Variants in PPP2R2B observed in about 807,000 individuals in gnomAD.
PPP2R2B encodes the protein protein phosphatase 2 regulatory subunit Bbeta.
In PPP2R2B, 5 loss-of-function variants were observed where a neutral mutation model predicts 46.0. That is an observed-to-expected ratio of 0.11 (90% CI 0.06 to 0.23). PPP2R2B has a LOEUF of 0.23. Ranked by LOEUF, PPP2R2B falls within the 10% of genes least tolerant of loss-of-function variation. The probability of loss-of-function intolerance (pLI) is 1.00; values close to 1 mark genes in which losing one functional copy is unlikely to be tolerated. For missense variants in PPP2R2B, 367 were observed against 575.0 expected, an observed-to-expected ratio of 0.64 and a Z score of 3.70; for synonymous variants, 215 against 206.7, an observed-to-expected ratio of 1.04 and a Z score of -0.34.
intron 2 of PPP2R2B, among the ~76,000 whole-genome samples, chr5:146,794,448 G>A (rs1228853981): frequency 6.6e-6 from 1 of 152,208 alleles, no homozygotes; most frequent in Non-Finnish European, 1.5e-5. Context: ...CAATCAAAGT[G>A]TAATAGCTTT....
intron 5 of PPP2R2B, among the ~76,000 whole-genome samples, chr5:146,662,905 A>T (rs1581819983): frequency 1.3e-5 from 2 of 152,178 alleles, no homozygotes; most frequent in East Asian, 3.9e-4. Context: ...AAAAGGGAAA[A>T]GAAAATGACC....
Position 146,703,329 on chromosome 5 carries a change from GA to G in PPP2R2B, c.71-2188del, listed in dbSNP as rs1322200131. ...AATACAAACATTTCTCAGAAAGAAA[GA>G]GTAGCAGGAAATAATGAGAGGGTGG... On this transcript the variant is annotated intron_variant, in intron 2 of 9. Transcript: ENST00000394411. Among the ~76,000 whole-genome samples the G allele has an allele frequency of 3.3e-5, 5 of 152,194 alleles. No individual in the cohort carries two copies. In the East Asian group the frequency reaches 9.6e-4, roughly 29 times the overall value.
At chr5:146,601,985 A>G (rs1771833205) in intron 7 of PPP2R2B, among the ~76,000 whole-genome samples, 1 of 152,186 alleles carries the variant, frequency 6.6e-6, no homozygotes, top group African/African-American at 2.4e-5. Flanking sequence ...TTCTACCTTG[A>G]TTTTAAGTTG....
chr5:146,993,734 T>C (rs1434814264), intron 1 of PPP2R2B, among the ~76,000 whole-genome samples: 1 of 152,158 alleles, frequency 6.6e-6, no homozygotes, highest in African/African-American at 2.4e-5. Flanking sequence ...AGGGGCTCAA[T>C]AAATGACACT....
chr5:146,726,699 CA>C (rs1561860800), intron 2 of PPP2R2B, among the ~76,000 whole-genome samples: 3 of 152,204 alleles, frequency 2.0e-5, no homozygotes, highest in Admixed American at 1.3e-4. Flanking sequence ...ATCTTAACAA[CA>C]AAACCATTCT....
chr5:146,851,542 G>A (rs1295983552), intron 2 of PPP2R2B, among the ~76,000 whole-genome samples: 1 of 152,094 alleles, frequency 6.6e-6, no homozygotes, highest in Admixed American at 6.6e-5. Context: ...CATCATTATT[G>A]CTTCGTGGTA....
At chr5:146,662,566 G>C (rs1428263989) in intron 5 of PPP2R2B, among the ~76,000 whole-genome samples, 2 of 152,088 alleles carry the variant, frequency 1.3e-5, no homozygotes, top group African/African-American at 4.8e-5. Context: ...CTGGCACCTT[G>C]ATATTGAACT....
At chr5:146,765,481 C>T (rs1754420476) in intron 2 of PPP2R2B, among the ~76,000 whole-genome samples, 1 of 152,210 alleles carries the variant, frequency 6.6e-6, no homozygotes, top group African/African-American at 2.4e-5. Flanking sequence ...GAAGGAGCAA[C>T]ATAAACCACA....
chr5:146,996,660 G>A (rs139812356), intron 1 of PPP2R2B, among the ~76,000 whole-genome samples: 1 of 152,322 alleles, frequency 6.6e-6, no homozygotes, highest in East Asian at 1.9e-4. Context: ...CTGGACTTCA[G>A]CAGTGGCAGG....
chr5:147,079,445 CATAT>C (rs58393815), intron 2 of PPP2R2B, among the ~76,000 whole-genome samples: 5,971 of 132,212 alleles, frequency 0.045, 380 homozygotes, highest in African/African-American at 0.14. Flanking sequence ...TATATATATA[CATAT>C]ATATATATAT....
chr5:147,048,359 G>A (rs935294817), intron 1 of PPP2R2B, among the ~76,000 whole-genome samples: 1 of 152,074 alleles, frequency 6.6e-6, no homozygotes, highest in African/African-American at 2.4e-5. Context: ...CAGCCTTTCT[G>A]TGTCTTATCT....
chr5:147,035,813 T>C (rs1343195109), intron 1 of PPP2R2B, among the ~76,000 whole-genome samples: 4 of 152,142 alleles, frequency 2.6e-5, no homozygotes, highest in Non-Finnish European at 4.4e-5. Context: ...AAAAAACAGT[T>C]TGGATGTCTA....
Position 146,884,038 on chromosome 5 carries a change from T to C in PPP2R2B, c.79+171627A>G, listed in dbSNP as rs760501835. 5.7e-4 allele frequency among the ~76,000 whole-genome samples: 87 copies of C among 151,494 alleles called. 2 individuals are homozygous for C. Among genetic ancestry groups the C allele is most frequent in the Middle Eastern group, 6.8e-3 (2 of 292 alleles). ...CATTAACATCAGAAATCTGCCATGG[T>C]AGGATATTTATATCACAGAAAATTA... On this transcript the variant is annotated intron_variant, in intron 1 of 8. Coordinates refer to the PPP2R2B transcript ENST00000336640.
At chr5:146,719,495 C>A (rs1013412377) in intron 2 of PPP2R2B, among the ~76,000 whole-genome samples, 3 of 152,088 alleles carry the variant, frequency 2.0e-5, no homozygotes, top group African/African-American at 7.2e-5. Context: ...ATATTGGTAC[C>A]ATTTTGGAGG....
chr5:146,723,935 T>C (rs973316830), intron 2 of PPP2R2B, among the ~76,000 whole-genome samples: 2 of 152,190 alleles, frequency 1.3e-5, no homozygotes, highest in African/African-American at 4.8e-5. Context: ...TTGACTATTT[T>C]GTCTGTTTCA....
intron 2 of PPP2R2B, among the ~76,000 whole-genome samples, chr5:146,877,608 A>C (rs1171167876): frequency 1.3e-5 from 2 of 151,940 alleles, no homozygotes; most frequent in Middle Eastern, 3.2e-3. Flanking sequence ...GAGAGACATA[A>C]CATCGTTTCG....
intron 1 of PPP2R2B, among the ~76,000 whole-genome samples, chr5:146,911,877 T>C (rs1256717459): frequency 6.6e-6 from 1 of 152,226 alleles, no homozygotes; most frequent in South Asian, 2.1e-4. Context: ...TTAGGGTTTT[T>C]TCAGCACAGT....
chr5:146,838,906 C>T (rs1759458049), intron 2 of PPP2R2B, among the ~76,000 whole-genome samples: 1 of 152,164 alleles, frequency 6.6e-6, no homozygotes, highest in Non-Finnish European at 1.5e-5. Context: ...AGGTTTAGCC[C>T]AGTCTTCCTC....
At chr5:146,852,872 G>A (rs748411463) in intron 2 of PPP2R2B, among the ~76,000 whole-genome samples, 4 of 152,140 alleles carry the variant, frequency 2.6e-5, no homozygotes, top group Admixed American at 6.6e-5. Context: ...AGAGTAGAGA[G>A]TATGTATACC....
Sources: gnomAD v4.1 joint callset for allele counts (sites outside exome capture counted in the v4.1 genomes callset) on GRCh38, gnomAD v4.1.1 for gene constraint, MANE v1.5 for transcripts, NCBI Gene and HGNC (gene_info 2026-07-23, HGNC 2026-07-21) for gene names.